Variants in TGFBRAP1 observed in about 807,000 individuals in gnomAD.
TGFBRAP1 encodes the protein transforming growth factor beta receptor associated protein 1.
Under a neutral mutation model 83.2 loss-of-function variants are expected in TGFBRAP1, and 20 were observed. The observed-to-expected ratio is 0.24, with a 90% CI of 0.17 to 0.35. TGFBRAP1 has a LOEUF of 0.35. Ranked by LOEUF, TGFBRAP1 falls within the 10% of genes least tolerant of loss-of-function variation. The pLI is 1.00. For missense variants in TGFBRAP1, 950 were observed against 1,099.4 expected (o/e 0.86, Z 1.92); for synonymous variants, 415 against 459.8 (o/e 0.90, Z 1.25).
rs530731991 is a variant in TGFBRAP1, at chr2:105,322,924, A to G, written c.-18+6701T>C. ...ACAGCCTTTGAGACGGATGGGGGGC[A>G]GACAGAGCTTGGCACACTTCAGCCG... On this transcript the variant is annotated intron_variant, in intron 1 of 11. Transcript: ENST00000393359. Among the ~76,000 whole-genome samples, 413 of 152,318 alleles carry G rather than the reference A, an allele frequency of 2.7e-3. 1 individual carries two copies. Among genetic ancestry groups the G allele is most frequent in the Non-Finnish European group, 1.2e-3 (85 of 68,024 alleles).
intron 10 of TGFBRAP1, 92 bp downstream of exon 10, chr2:105,272,763 C>G: frequency 6.6e-7 from 1 of 1,511,050 alleles, no homozygotes; most frequent in Non-Finnish European, 9.0e-7. Flanking sequence ...TGCAATCAAC[C>G]AGCAGCTGTG....
At chr2:105,307,028 T>TA (rs1678522609) in intron 2 of TGFBRAP1, among the ~76,000 whole-genome samples, 1 of 151,954 alleles carries the variant, frequency 6.6e-6, no homozygotes, top group South Asian at 2.1e-4. Context: ...CCCACAAGCT[T>TA]AGAGTAGAAA....
At chr2:105,299,959 TC>T (rs1678228364) in intron 2 of TGFBRAP1, among the ~76,000 whole-genome samples, 1 of 152,214 alleles carries the variant, frequency 6.6e-6, no homozygotes, top group African/African-American at 2.4e-5. Flanking sequence ...GTCTATTGTT[TC>T]TGTAGTGCTG....
intron 8 of TGFBRAP1, among the ~76,000 whole-genome samples, chr2:105,275,245 C>T (rs1268339452): frequency 2.0e-5 from 3 of 152,152 alleles, no homozygotes; most frequent in Non-Finnish European, 2.9e-5. Flanking sequence ...GGTCGAGGAG[C>T]GGGGTTCACA....
rs774167658 is a variant in TGFBRAP1, at chr2:105,280,637, G to A, written c.1208C>T (p.Pro403Leu). ...TSSSFTRSHP[P>L]LHEYADLNQL... Reference sequence around the variant, plus strand: ...GTTCAGGTCTGCGTACTCATGAAGAGGAGGGTGGGACCGGGTGAAGGAGGA... The same window carrying A: ...GTTCAGGTCTGCGTACTCATGAAGAAGAGGGTGGGACCGGGTGAAGGAGGA... The change falls in exon 6 of 12, where the codon CCT becomes CTT. Residue 403 changes from proline (P) to leucine (L), a missense_variant. Coordinates refer to ENST00000393359, the MANE Select transcript of TGFBRAP1 (RefSeq NM_004257.6). 14 of 1,614,178 alleles carry A rather than the reference G, an allele frequency of 8.7e-6. No homozygotes were observed. Among genetic ancestry groups the A allele is most frequent in the Non-Finnish European group, 1.2e-5 (14 of 1,180,030 alleles).
intron 10 of TGFBRAP1, among the ~76,000 whole-genome samples, chr2:105,270,346 C>T (rs1677111917): frequency 6.6e-6 from 1 of 152,168 alleles, no homozygotes; most frequent in Non-Finnish European, 1.5e-5. Context: ...ACCAAGGCCC[C>T]ACCCTTAGTG....
intron 6 of TGFBRAP1, among the ~76,000 whole-genome samples, chr2:105,279,821 T>G (rs140053594): frequency 0.059 from 8,929 of 152,102 alleles, 371 homozygotes; most frequent in African/African-American, 0.11. Flanking sequence ...GCAGACCACC[T>G]GAGGTCAGGA....
At chr2:105,283,478 T>C (rs1677610499) in intron 5 of TGFBRAP1, among the ~76,000 whole-genome samples, 1 of 152,216 alleles carries the variant, frequency 6.6e-6, no homozygotes, top group Non-Finnish European at 1.5e-5. Context: ...TTCCTATACA[T>C]GTTATTTCTT....
chr2:105,302,650 A>T (rs10206175), intron 2 of TGFBRAP1, among the ~76,000 whole-genome samples: 30,740 of 152,106 alleles, frequency 0.2, 3,853 homozygotes, highest in East Asian at 0.54. Context: ...CCTAAAAATA[A>T]AGGTTACCTA....
intron 1 of TGFBRAP1, among the ~76,000 whole-genome samples, chr2:105,320,559 A>T (rs1296172238): frequency 1.3e-5 from 2 of 152,198 alleles, no homozygotes; most frequent in Middle Eastern, 3.2e-3. Context: ...TCCTTATAAC[A>T]TACCAGAAGG....
At chr2:105,279,462 T>TAAAGACAAGAGTTTGA (rs1677455711) in intron 6 of TGFBRAP1, among the ~76,000 whole-genome samples, 1 of 151,912 alleles carries the variant, frequency 6.6e-6, no homozygotes, top group Non-Finnish European at 1.5e-5. Flanking sequence ...GATCTTACTG[T>TAAAGACAAGAGTTTGA]GTTGCCCAAG....
chr2:105,251,672 G>A, the TGFBRAP1 span, among the ~76,000 whole-genome samples: 28 of 152,360 alleles, frequency 1.8e-4, 1 homozygote, highest in East Asian at 4.8e-3. Context: ...AAGGGGCCAT[G>A]ATGACAATGG....
chr2:105,316,479 G>A (rs1235641870), intron 1 of TGFBRAP1, among the ~76,000 whole-genome samples: 33 of 69,460 alleles, frequency 4.8e-4, no homozygotes, highest in African/African-American at 1.5e-3. Flanking sequence ...GCGCGCGCGC[G>A]CACGCGCACA....
Position 105,304,026 on chromosome 2 carries a change from CTAAAAA to C in TGFBRAP1, c.688+3582_688+3587del, listed in dbSNP as rs144995890. 9.8e-3 allele frequency among the ~76,000 whole-genome samples: 1,483 copies of C among 152,096 alleles called. 20 individuals are homozygous for C. The highest frequency in any genetic ancestry group is 0.034 in the African/African-American group (1,403 of 41,474). On this transcript the variant is annotated intron_variant, in intron 2 of 11. Coordinates refer to ENST00000393359, the MANE Select transcript of TGFBRAP1 (RefSeq NM_004257.6). ...CTTGTATGAAACTGATTCAAACAAA[CTAAAAA>C]TAAACATACAAATACTTAAACATAA...
intron 1 of TGFBRAP1, among the ~76,000 whole-genome samples, chr2:105,314,337 A>C (rs372319982): frequency 1.6e-5 from 2 of 127,004 alleles, no homozygotes; most frequent in East Asian, 2.3e-4. Context: ...TGCAAGCTCC[A>C]CCTCCCGGGT....
rs761579601 is a variant in TGFBRAP1, at chr2:105,284,418, T to C, written c.1039-20A>G. 1 of 1,611,476 alleles carries C rather than the reference T, an allele frequency of 6.2e-7. No individual in the cohort carries two copies. ...CATTACCTGCAAGGAAAGACGGGTG[T>C]AATCTCTTAGTGAATCTTGAAACCA... On this transcript the variant is annotated intron_variant, in intron 4 of 11. Transcript: ENST00000393359.
intron 11 of TGFBRAP1, chr2:105,267,821 C>T (rs1429017086): frequency 4.1e-6 from 4 of 985,346 alleles, no homozygotes; most frequent in Admixed American, 6.1e-5. Flanking sequence ...GGCATTTCTA[C>T]TTAAGATCCT....
intron 3 of TGFBRAP1, among the ~76,000 whole-genome samples, chr2:105,296,755 CCTT>C (rs1678103871): frequency 1.2e-5 from 1 of 83,390 alleles, no homozygotes; most frequent in African/African-American, 3.7e-5. Flanking sequence ...TCTTTTTTTG[CCTT>C]TTTTTTTTTT....
At chr2:105,271,021 G>A (rs1163948901) in intron 10 of TGFBRAP1, among the ~76,000 whole-genome samples, 1 of 152,206 alleles carries the variant, frequency 6.6e-6, no homozygotes, top group Non-Finnish European at 1.5e-5. Context: ...AGTGCTGCGG[G>A]GGATACCCCC....
Sources: allele counts gnomAD v4.1 joint callset (sites outside exome capture counted in the v4.1 genomes callset), GRCh38; gene constraint gnomAD v4.1.1; transcripts MANE v1.5; gene names NCBI Gene and HGNC (gene_info 2026-07-23, HGNC 2026-07-21).